KCNC2: variants seen among roughly 807,000 people sequenced by gnomAD.
KCNC2 encodes voltage-gated potassium channel KCNC2.
A neutral mutation model predicts 44.5 loss-of-function variants in KCNC2; 21 were observed. The ratio of observed to expected loss-of-function variants is 0.47; its 90% CI spans 0.33 to 0.68. KCNC2 has a LOEUF of 0.68. Ranked by LOEUF, KCNC2 falls within the 30% of genes least tolerant of loss-of-function variation. KCNC2 has a pLI of 0.01. For missense variants in KCNC2, 589 were observed against 826.2 expected (o/e 0.71, Z 3.52); for synonymous variants, 391 against 339.1 (o/e 1.15, Z -1.68).
At chr12:75,175,126 A>C (rs1892097518) in intron 2 of KCNC2, among the ~76,000 whole-genome samples, 1 of 151,914 alleles carries the variant, frequency 6.6e-6, no homozygotes. Flanking sequence ...ATCAATGCAG[A>C]CCACAACAGT....
At chr12:75,191,532 T>TATCA in intron 2 of KCNC2, among the ~76,000 whole-genome samples, 1 of 25,230 alleles carries the variant, frequency 4.0e-5, no homozygotes, top group South Asian at 1.5e-3. Flanking sequence ...TTATTATTTT[T>TATCA]TTTTTTTTTT....
chr12:75,069,532 C>A (rs187006200), intron 2 of KCNC2, among the ~76,000 whole-genome samples: 2 of 152,092 alleles, frequency 1.3e-5, no homozygotes, highest in Non-Finnish European at 2.9e-5. Flanking sequence ...TTTCACCATA[C>A]GATATGGCTC....
intron 4 of KCNC2, among the ~76,000 whole-genome samples, chr12:75,044,232 A>G (rs1381563421): frequency 3.3e-5 from 5 of 152,054 alleles, no homozygotes; most frequent in Admixed American, 1.3e-4. Context: ...TGACTAAAAA[A>G]GTAGTCATGC....
intron 2 of KCNC2, among the ~76,000 whole-genome samples, chr12:75,136,145 G>A (rs544635772): frequency 3.0e-4 from 46 of 151,994 alleles, no homozygotes; most frequent in African/African-American, 1.1e-3. Context: ...CATGAAAATA[G>A]AGACACAACA....
chr12:75,131,558 G>A (rs147426117), intron 2 of KCNC2, among the ~76,000 whole-genome samples: 107 of 152,240 alleles, frequency 7.0e-4, no homozygotes, highest in Non-Finnish European at 1.3e-3. Flanking sequence ...TCTAATAGAT[G>A]AGCCCCTAAA....
intron 2 of KCNC2, among the ~76,000 whole-genome samples, chr12:75,134,124 T>C (rs962008636): frequency 1.1e-4 from 16 of 151,952 alleles, no homozygotes; most frequent in African/African-American, 3.9e-4. Context: ...CAGTGATAAT[T>C]AAAATACACC....
intron 2 of KCNC2, among the ~76,000 whole-genome samples, chr12:75,150,605 C>G (rs184989766): frequency 6.6e-6 from 1 of 151,988 alleles, no homozygotes; most frequent in Non-Finnish European, 1.5e-5. Context: ...TATTGCATAG[C>G]TATCCATTGC....
intron 2 of KCNC2, among the ~76,000 whole-genome samples, chr12:75,057,515 A>G (rs1881873390): frequency 6.6e-6 from 1 of 151,968 alleles, no homozygotes; most frequent in Non-Finnish European, 1.5e-5. Context: ...CACAAACATT[A>G]CCACATTTAT....
chr12:75,138,906 G>A (rs931950801), intron 2 of KCNC2, among the ~76,000 whole-genome samples: 39 of 149,288 alleles, frequency 2.6e-4, no homozygotes, highest in African/African-American at 8.8e-4. Context: ...GCATGAACCC[G>A]GGAGGCGGAG....
At chr12:75,102,170 G>A (rs962721541) in intron 2 of KCNC2, among the ~76,000 whole-genome samples, 2 of 151,950 alleles carry the variant, frequency 1.3e-5, no homozygotes, top group African/African-American at 4.8e-5. Context: ...AAGGACTTAG[G>A]TAGTTTCCCT....
intron 2 of KCNC2, among the ~76,000 whole-genome samples, chr12:75,132,653 A>T (rs1888937912): frequency 6.6e-6 from 1 of 152,148 alleles, no homozygotes; most frequent in Non-Finnish European, 1.5e-5. Context: ...TCTCTAGCCC[A>T]TCTTTCTCTG....
At chr12:75,203,022 C>T (rs781178661) in intron 2 of KCNC2, among the ~76,000 whole-genome samples, 9 of 151,588 alleles carry the variant, frequency 5.9e-5, no homozygotes, top group Admixed American at 2.0e-4. Flanking sequence ...AATAAATGTG[C>T]TTTCTAAAAT....
intron 2 of KCNC2, among the ~76,000 whole-genome samples, chr12:75,201,276 A>G (rs1301526631): frequency 9.1e-6 from 1 of 110,382 alleles, no homozygotes; most frequent in African/African-American, 3.6e-5. Context: ...AAAAAAAAAA[A>G]AAAAAAAAAA....
intron 2 of KCNC2, among the ~76,000 whole-genome samples, chr12:75,085,946 C>T (rs1207356209): frequency 6.6e-6 from 1 of 152,012 alleles, no homozygotes; most frequent in East Asian, 1.9e-4. Context: ...TGATTTCCCA[C>T]CCTTTAAATA....
rs10715917 is a variant in KCNC2 at position 75,145,954 on chromosome 12, A to ATT, written c.687+61341_687+61342dup. 2.4e-3 allele frequency among the ~76,000 whole-genome samples: 333 copies of ATT among 135,968 alleles called. 3 individuals carry two copies. The highest frequency in any genetic ancestry group is 8.5e-3 in the African/African-American group (310 of 36,288). 89.2% of individuals were successfully genotyped at this position (135,968 alleles called of 152,430 possible). ...CAACTAAAGTCTTACAGTCTTACCA[A>ATT]TTTTTTTTTTTTTTTTTGAGATGGA... On this transcript the variant is annotated intron_variant, in intron 2 of 4. Coordinates refer to ENST00000549446, the MANE Select transcript of KCNC2 (RefSeq NM_139137.4).
chr12:75,075,951 C>T (rs745548523), intron 2 of KCNC2, among the ~76,000 whole-genome samples: 7 of 152,000 alleles, frequency 4.6e-5, no homozygotes, highest in Admixed American at 3.9e-4. Flanking sequence ...ATGGTAAAGT[C>T]TCCTAATGAT....
chr12:75,061,942 T>C (rs1882383965), intron 2 of KCNC2, among the ~76,000 whole-genome samples: 2 of 152,030 alleles, frequency 1.3e-5, no homozygotes, highest in African/African-American at 4.8e-5. Context: ...TAAGTGGCAA[T>C]AGAGAAATTA....
At chr12:75,130,666 T>G (rs538700062) in intron 2 of KCNC2, among the ~76,000 whole-genome samples, 4 of 152,248 alleles carry the variant, frequency 2.6e-5, no homozygotes, top group South Asian at 4.1e-4. Context: ...AGGTGGATAT[T>G]AAAATCACAG....
intron 2 of KCNC2, among the ~76,000 whole-genome samples, chr12:75,200,654 A>G (rs956367019): frequency 4.0e-5 from 6 of 151,898 alleles, no homozygotes; most frequent in Admixed American, 2.6e-4. Context: ...ATTTTCTAAA[A>G]ACAGAAATAT....
Sources: gnomAD v4.1 joint callset for allele counts (sites outside exome capture counted in the v4.1 genomes callset) on GRCh38, gnomAD v4.1.1 for gene constraint, MANE v1.5 for transcripts, NCBI Gene and HGNC (gene_info 2026-07-23, HGNC 2026-07-21) for gene names.